Variants in FSTL4 observed in about 807,000 individuals in gnomAD.
FSTL4 encodes follistatin like 4.
FSTL4 carries 28 observed loss-of-function variants against 78.2 expected under a neutral mutation model. The observed-to-expected ratio is 0.36, with a 90% CI of 0.27 to 0.49. The LOEUF (loss-of-function observed/expected upper bound fraction) is 0.49. FSTL4 is among the 20% of genes least tolerant of loss of function. The pLI is 0.98. For synonymous variants in FSTL4, 422 were observed against 440.5 expected, an observed-to-expected ratio of 0.96 and a Z score of 0.53; for missense variants, 922 against 1,084.9, an observed-to-expected ratio of 0.85 and a Z score of 2.11.
chr5:133,722,306 A>G, the FSTL4 span, among the ~76,000 whole-genome samples: 1 of 152,280 alleles, frequency 6.6e-6, no homozygotes, highest in Admixed American at 6.5e-5. Context: ...TCCCAAAGCC[A>G]TTCCCCCACC....
chr5:133,827,486 C>T, the FSTL4 span, among the ~76,000 whole-genome samples: 3 of 152,020 alleles, frequency 2.0e-5, no homozygotes, highest in Admixed American at 6.5e-5. Flanking sequence ...AAGTTTCTGA[C>T]GAGGAGGATT....
rs1751279299 is a variant in FSTL4, at chr5:133,225,001, C to T, written c.1312+149G>A. 1.1e-6 allele frequency: 1 copy of T among 905,044 alleles called. No homozygotes were observed. Among genetic ancestry groups the T allele is most frequent in the Non-Finnish European group, 1.7e-6 (1 of 585,496 alleles). 56.1% of individuals were successfully genotyped at this position (905,044 alleles called of 1,614,324 possible). Reference sequence around the variant, plus strand: ...GCTCACCTCTGGGTGCCCTCCAATTCCAGCTTTATGCAAAGAGGGATATGA... The same window carrying T: ...GCTCACCTCTGGGTGCCCTCCAATTTCAGCTTTATGCAAAGAGGGATATGA... On this transcript the variant is annotated intron_variant, in intron 10 of 15. Coordinates refer to ENST00000265342, the MANE Select transcript of FSTL4 (RefSeq NM_015082.2). The surrounding 1 kb of genome is among the most constrained non-coding windows in gnomAD (Gnocchi z 4.6).
the FSTL4 span, among the ~76,000 whole-genome samples, chr5:133,697,334 C>T: frequency 3.2e-4 from 48 of 152,252 alleles, no homozygotes; most frequent in African/African-American, 1.2e-3. Context: ...ATTCAGCGCC[C>T]ACTCTCCAGA....
chr5:133,736,901 G>A, the FSTL4 span, among the ~76,000 whole-genome samples: 8 of 152,208 alleles, frequency 5.3e-5, no homozygotes, highest in East Asian at 1.9e-4. Context: ...AGCTGGAGAC[G>A]TGCCCACAGA....
intron 2 of FSTL4, among the ~76,000 whole-genome samples, chr5:133,569,212 G>C (rs899053232): frequency 2.6e-5 from 4 of 152,136 alleles, no homozygotes; most frequent in South Asian, 2.1e-4. Flanking sequence ...TTTGCAAACA[G>C]CAATTATCTT....
intron 6 of FSTL4, among the ~76,000 whole-genome samples, chr5:133,254,894 G>T (rs995335591): frequency 2.0e-5 from 3 of 152,182 alleles, no homozygotes; most frequent in Non-Finnish European, 1.5e-5. Flanking sequence ...CCTCACCTGC[G>T]CTGGCCACAT....
intron 3 of FSTL4, among the ~76,000 whole-genome samples, chr5:133,543,959 C>T (rs1043236433): frequency 2.0e-5 from 3 of 151,934 alleles, no homozygotes; most frequent in Non-Finnish European, 2.9e-5. Flanking sequence ...GACATTTTTA[C>T]CCTCTATACT....
the FSTL4 span, among the ~76,000 whole-genome samples, chr5:133,736,161 A>C: frequency 6.6e-6 from 1 of 152,218 alleles, no homozygotes; most frequent in African/African-American, 2.4e-5. Flanking sequence ...GGCCTACGGT[A>C]AAAGGAAGCC....
the FSTL4 span, among the ~76,000 whole-genome samples, chr5:133,770,478 T>C: frequency 6.6e-6 from 1 of 152,210 alleles, no homozygotes; most frequent in Non-Finnish European, 1.5e-5. Context: ...TGATGATTAG[T>C]GATGTTGAGC....
the FSTL4 span, among the ~76,000 whole-genome samples, chr5:133,827,590 G>A: frequency 2.0e-5 from 3 of 151,904 alleles, no homozygotes; most frequent in Non-Finnish European, 4.4e-5. Flanking sequence ...ACTTTTCAGT[G>A]ACCAAAAGAA....
At chr5:133,337,639 A>G (rs1423645667) in intron 4 of FSTL4, among the ~76,000 whole-genome samples, 1 of 152,210 alleles carries the variant, frequency 6.6e-6, no homozygotes, top group African/African-American at 2.4e-5. Context: ...AAATGGGAAT[A>G]CCAGCAATAA....
the FSTL4 span, among the ~76,000 whole-genome samples, chr5:133,709,910 G>A: frequency 6.6e-6 from 1 of 152,198 alleles, no homozygotes; most frequent in African/African-American, 2.4e-5. Context: ...ACTTGCAGAA[G>A]CCCAATATGC....
intron 3 of FSTL4, among the ~76,000 whole-genome samples, chr5:133,546,562 C>A (rs1759578518): frequency 1.4e-5 from 2 of 147,768 alleles, no homozygotes; most frequent in African/African-American, 5.0e-5. Context: ...GAGAGGAAAC[C>A]AAAGATGTGG....
At chr5:133,760,279 C>T in the FSTL4 span, among the ~76,000 whole-genome samples, 5 of 152,150 alleles carry the variant, frequency 3.3e-5, no homozygotes, top group African/African-American at 1.2e-4. Context: ...AGAGTCATTT[C>T]AGGGCTCCTG....
intron 2 of FSTL4, among the ~76,000 whole-genome samples, chr5:133,580,690 G>A (rs256256): frequency 0.34 from 52,119 of 152,044 alleles, 9,664 homozygotes; most frequent in African/African-American, 0.47. Context: ...ATCTGAGCAC[G>A]TTTGTCTGCT....
At chr5:133,571,239 C>T (rs1760148242) in intron 2 of FSTL4, among the ~76,000 whole-genome samples, 1 of 152,180 alleles carries the variant, frequency 6.6e-6, no homozygotes, top group South Asian at 2.1e-4. Context: ...ACCATATATT[C>T]TCAAATTATT....
chr5:133,445,444 C>T (rs993992650), intron 3 of FSTL4, among the ~76,000 whole-genome samples: 5 of 152,152 alleles, frequency 3.3e-5, no homozygotes, highest in Non-Finnish European at 5.9e-5. Context: ...GGTCTGGCCT[C>T]GTCTGGGTCA....
At chr5:133,762,575 G>A in the FSTL4 span, among the ~76,000 whole-genome samples, 460 of 152,260 alleles carry the variant, frequency 3.0e-3, 2 homozygotes, top group Middle Eastern at 0.014. Context: ...ATGATAAAGG[G>A]ATTTATAGAC....
At chr5:133,632,685 T>G in the FSTL4 span, among the ~76,000 whole-genome samples, 5 of 152,248 alleles carry the variant, frequency 3.3e-5, no homozygotes, top group South Asian at 2.1e-4. Flanking sequence ...GTTTGTTTTT[T>G]TTGTTGTTGT....
Sources: allele counts gnomAD v4.1 joint callset (sites outside exome capture counted in the v4.1 genomes callset), GRCh38; gene constraint gnomAD v4.1.1; non-coding constraint Gnocchi (gnomAD v3.1); transcripts MANE v1.5; gene names NCBI Gene and HGNC (gene_info 2026-07-23, HGNC 2026-07-21).